The following UNC13C variants were observed in gnomAD, a reference collection of about 807,000 sequenced individuals.
UNC13C encodes the protein protein unc-13 homolog C.
In UNC13C, 174 loss-of-function variants were observed where a neutral mutation model predicts 245.4. The observed-to-expected ratio is 0.71, with a 90% CI of 0.63 to 0.80. The LOEUF is 0.80. Among genes scored for constraint, UNC13C ranks in the 30% least tolerant of loss-of-function variants. UNC13C has a pLI of 0.00. For synonymous variants in UNC13C, 992 were observed against 895.1 expected (o/e 1.11, Z -1.93); for missense variants, 2,829 against 2,602.9 (o/e 1.09, Z -1.89).
At chr15:54,261,002 C>A (rs531620216) in intron 8 of UNC13C, among the ~76,000 whole-genome samples, 1 of 152,078 alleles carries the variant, frequency 6.6e-6, no homozygotes, top group Admixed American at 6.5e-5. Context: ...ACCAGTTTGC[C>A]CCTCTGTCTA....
rs149902761 is a variant in UNC13C, at chr15:54,285,954, T to C, written c.3819-7941T>C. Among the ~76,000 whole-genome samples the C allele has an allele frequency of 8.8e-3, 1,336 of 152,290 alleles. 14 individuals are homozygous for C. The highest frequency in any genetic ancestry group is 0.031 in the African/African-American group (1,283 of 41,552). On this transcript the variant is annotated intron_variant, in intron 10 of 32. Transcript: ENST00000260323. Reference sequence around the variant, plus strand: ...GTGCAGTGGTGTTATCTCAGTTCAATGCAACCTCCGCCTCCCCAGTTCAAG... The same window carrying C: ...GTGCAGTGGTGTTATCTCAGTTCAACGCAACCTCCGCCTCCCCAGTTCAAG...
chr15:53,992,233 A>G (rs908835955), intron 1 of UNC13C, among the ~76,000 whole-genome samples: 5 of 152,012 alleles, frequency 3.3e-5, no homozygotes, highest in African/African-American at 4.8e-5. Flanking sequence ...TGTAGCACTG[A>G]CTGAATCCAG....
At chr15:54,429,504 T>G (rs1466321316) in intron 19 of UNC13C, among the ~76,000 whole-genome samples, 1 of 151,770 alleles carries the variant, frequency 6.6e-6, no homozygotes, top group Non-Finnish European at 1.5e-5. Flanking sequence ...ATATTTAGCC[T>G]TAACATATTA....
the UNC13C span, among the ~76,000 whole-genome samples, chr15:53,897,337 A>C: frequency 6.6e-6 from 1 of 152,142 alleles, no homozygotes; most frequent in South Asian, 2.1e-4. Flanking sequence ...TTAAGATCCA[A>C]CCTCCTGATT....
the UNC13C span, among the ~76,000 whole-genome samples, chr15:53,885,434 T>C: frequency 6.6e-6 from 1 of 152,212 alleles, no homozygotes; most frequent in African/African-American, 2.4e-5. Context: ...TGAAATACTA[T>C]GCAGAGAGGC....
chr15:54,035,066 C>G (rs1896518383), intron 2 of UNC13C, among the ~76,000 whole-genome samples: 2 of 152,064 alleles, frequency 1.3e-5, no homozygotes, highest in Non-Finnish European at 2.9e-5. Flanking sequence ...TACCCTTCTT[C>G]CATTGTTTTT....
chr15:53,892,348 G>A, the UNC13C span, among the ~76,000 whole-genome samples: 1 of 152,104 alleles, frequency 6.6e-6, no homozygotes, highest in African/African-American at 2.4e-5. Flanking sequence ...TGATGATTGT[G>A]TGTCTTGAGG....
At chr15:54,455,656 A>G (rs1891480194) in intron 19 of UNC13C, among the ~76,000 whole-genome samples, 1 of 148,810 alleles carries the variant, frequency 6.7e-6, no homozygotes, top group Non-Finnish European at 1.5e-5. Context: ...TTTATATCTT[A>G]TTTTGAGAAT....
intron 11 of UNC13C, among the ~76,000 whole-genome samples, chr15:54,295,833 T>C (rs1180067871): frequency 6.6e-6 from 1 of 152,202 alleles, no homozygotes; most frequent in Non-Finnish European, 1.5e-5. Context: ...TGTAAGTCTT[T>C]ACCTACCCAC....
At chr15:54,490,646 G>A (rs2141081324) in intron 19 of UNC13C, among the ~76,000 whole-genome samples, 1 of 151,918 alleles carries the variant, frequency 6.6e-6, no homozygotes, top group East Asian at 1.9e-4. Context: ...GCAAGGGACA[G>A]GGATTGGGAA....
At chr15:54,183,576 T>C (rs1567076603) in intron 4 of UNC13C, among the ~76,000 whole-genome samples, 1 of 152,042 alleles carries the variant, frequency 6.6e-6, no homozygotes, top group Non-Finnish European at 1.5e-5. Context: ...ATATTTTTGT[T>C]TGTGTTAAAA....
At chr15:54,288,664 G>C (rs1358992236) in intron 10 of UNC13C, among the ~76,000 whole-genome samples, 1 of 152,026 alleles carries the variant, frequency 6.6e-6, no homozygotes, top group Non-Finnish European at 1.5e-5. Flanking sequence ...GGTTTGAAAG[G>C]TTGTTGTATG....
chr15:54,621,050 T>C (rs1255594861), intron 30 of UNC13C, among the ~76,000 whole-genome samples: 3 of 152,288 alleles, frequency 2.0e-5, no homozygotes, highest in Admixed American at 2.0e-4. Flanking sequence ...TCCAGTCCTT[T>C]TATCATCAAA....
intron 4 of UNC13C, among the ~76,000 whole-genome samples, chr15:54,159,319 A>G (rs2032880388): frequency 6.6e-6 from 1 of 152,246 alleles, no homozygotes; most frequent in African/African-American, 2.4e-5. Flanking sequence ...TATCTTACAC[A>G]GACTAAATAC....
the UNC13C span, among the ~76,000 whole-genome samples, chr15:53,933,136 C>G: frequency 6.6e-6 from 1 of 152,154 alleles, no homozygotes; most frequent in Non-Finnish European, 1.5e-5. Context: ...TGCCATAGTT[C>G]AGATCCTTAT....
At chr15:53,845,049 G>A in the UNC13C span, among the ~76,000 whole-genome samples, 1 of 152,090 alleles carries the variant, frequency 6.6e-6, no homozygotes, top group Non-Finnish European at 1.5e-5. Flanking sequence ...TTGAAGGCGG[G>A]GCACAGTGGC....
rs970152058 is a variant in UNC13C at position 54,016,686 on chromosome 15, G to C, written c.2983+800G>C. On this transcript the variant is annotated intron_variant, in intron 2 of 32. Transcript: ENST00000260323. ...AAGTGATAGTTATATGTAAATGTAA[G>C]AGTTTGTTTACTTTCTATTTCTCAA... 2.0e-5 allele frequency among the ~76,000 whole-genome samples: 3 copies of C among 152,170 alleles called. No homozygotes were observed. The East Asian group carries it at 5.8e-4, about 29-fold the overall frequency.
At chr15:54,128,625 C>T (rs558158178) in intron 2 of UNC13C, among the ~76,000 whole-genome samples, 1 of 152,268 alleles carries the variant, frequency 6.6e-6, no homozygotes, top group African/African-American at 2.4e-5. Context: ...CGTGTTTTAG[C>T]AGGCATGGTT....
chr15:54,144,645 C>T (rs1022311499), intron 4 of UNC13C, among the ~76,000 whole-genome samples: 6 of 152,054 alleles, frequency 3.9e-5, no homozygotes, highest in African/African-American at 7.2e-5. Context: ...TGCAACTTGC[C>T]GTTTTCTCTT....
Sources: gnomAD v4.1 joint callset for allele counts (sites outside exome capture counted in the v4.1 genomes callset) on GRCh38, gnomAD v4.1.1 for gene constraint, MANE v1.5 for transcripts, NCBI Gene and HGNC (gene_info 2026-07-23, HGNC 2026-07-21) for gene names.